MYH2: variants seen among roughly 807,000 people sequenced by gnomAD.
The protein encoded by MYH2 is myosin-2.
A neutral mutation model predicts 228.1 loss-of-function variants in MYH2; 139 were observed. The ratio of observed to expected loss-of-function variants is 0.61; its 90% confidence interval spans 0.53 to 0.70. The LOEUF (loss-of-function observed/expected upper bound fraction) is 0.70, where lower values mean the gene tolerates loss of function less well. MYH2 is among the 30% of genes least tolerant of loss of function. MYH2 has a pLI of 0.00. For missense variants in MYH2, 1,809 were observed against 2,357.5 expected, an observed-to-expected ratio of 0.77 and a Z score of 4.82; for synonymous variants, 796 against 871.1, an observed-to-expected ratio of 0.91 and a Z score of 1.52.
At chr17:10,545,068 C>T (rs1253118474) in intron 5 of MYH2, among the ~76,000 whole-genome samples, 1 of 150,942 alleles carries the variant, frequency 6.6e-6, no homozygotes, top group Non-Finnish European at 1.5e-5. Context: ...TATTTTTGCT[C>T]ATATTTATTT....
rs1567734059 is a variant in MYH2 at position 10,537,960 on chromosome 17, T to C, written c.1417-125A>G. On this transcript the variant is annotated intron_variant, in intron 14 of 39. Transcript: ENST00000245503. The surrounding 1 kb of genome is among the most constrained non-coding windows in gnomAD (Gnocchi z 4.0). ...TATTACAGATATTAAAATCACTGGG[T>C]TAAAGAGACTTTGAAATAAAAGGTG... 2 of 1,503,758 alleles carry C rather than the reference T, an allele frequency of 1.3e-6. No homozygotes were observed. Among genetic ancestry groups the C allele is most frequent in the Non-Finnish European group, 1.8e-6 (2 of 1,111,072 alleles). The allele number at this position is 1,503,758 out of a possible 1,614,324, so 93.2% of individuals were successfully genotyped here.
In MYH2 at chr17:10,539,975, A is replaced by C; in HGVS notation, c.1100T>G (p.Phe367Cys). The change falls in exon 12 of 40, where the codon TTT (phenylalanine) becomes TGT (cysteine). Residue 367 changes from phenylalanine (F) to cysteine (C), a missense_variant. Coordinates refer to ENST00000245503, the MANE Select transcript of MYH2 (RefSeq NM_017534.6). ...TTGCTCCTCACGCTGCTTTTGCTTA[A>C]ATTTTAGGTTCCCATAATGCATCAC... ...GAVMHYGNLK[F>C]KQKQREEQAE... 6.2e-7 allele frequency: 1 copy of C among 1,614,064 alleles called. No homozygotes were observed. The highest frequency in any genetic ancestry group is 8.5e-7 in the Non-Finnish European group (1 of 1,179,984).
chr17:10,541,778 C>T (rs888173620), intron 10 of MYH2, among the ~76,000 whole-genome samples: 5 of 152,172 alleles, frequency 3.3e-5, no homozygotes, highest in Non-Finnish European at 7.3e-5. Context: ...TACTCTTTCC[C>T]TTTATTTCTC....
chr17:10,544,707 G>A (rs1025466858), intron 5 of MYH2, among the ~76,000 whole-genome samples: 1 of 152,182 alleles, frequency 6.6e-6, no homozygotes, highest in Non-Finnish European at 1.5e-5. Context: ...TGTCTCTGAA[G>A]AGGAATTCTC....
At position 10,526,751 on chromosome 17, in the gene MYH2, G is replaced by T; in HGVS notation, c.4035C>A (p.Asp1345Glu). 6.2e-7 allele frequency: 1 copy of T among 1,614,234 alleles called. No homozygotes were observed. The highest frequency in any genetic ancestry group is 2.2e-5 in the East Asian group (1 of 44,884). Residue 1345 changes from aspartate (D) to glutamate (E), a missense_variant, in exon 30 of 40, where the codon GAC becomes GAA. This residue lies in a region of MYH2 where 636 missense variants were observed against 729.9 expected (regional missense o/e 0.87). Transcript: ENST00000245503. ...CATACTGTTCCCGCAGCAGGTCACAGTCGTGGCGGGAAGACTGCAGGGCAT... is the reference window on the plus strand; with the variant it reads ...CATACTGTTCCCGCAGCAGGTCACATTCGTGGCGGGAAGACTGCAGGGCAT... Reference protein sequence around the residue: ...LAHALQSSRHDCDLLREQYEE... With the variant: ...LAHALQSSRHECDLLREQYEE...
Position 10,524,519 on chromosome 17 carries a change from C to A in MYH2, c.5122G>T (p.Ala1708Ser), listed in dbSNP as rs147813930. The A allele has an allele frequency of 1.9e-6, 3 of 1,614,086 alleles. No individual in the cohort carries two copies. Among genetic ancestry groups the A allele is most frequent in the African/African-American group, 1.3e-5 (1 of 74,916 alleles). ...CTGGCATCCAGGAGCTCCTGTTCTG[C>A]GATTTTTCTGCTCCTCTCTGTCTGT... is the stretch of plus-strand genomic sequence containing the variant. ...LEQTERSRKIAEQELLDASER... is the reference protein window; with the variant it reads ...LEQTERSRKISEQELLDASER... The change falls in exon 35 of 40, where the codon GCA becomes TCA. Residue 1708 changes from alanine to serine, a missense_variant. By Grantham distance (99) the Ala-to-Ser change is moderately conservative. Transcript: ENST00000245503. This position sits in a 1 kb window ranked among gnomAD's most constrained non-coding sequence, Gnocchi z 4.7.
In MYH2 at chr17:10,523,122, C is replaced by G. The variant is rs775106499; in HGVS notation, c.5641G>C (p.Val1881Leu). ...QDLVDKLQAK[V>L]KSYKRQAEEA... ...TCAGCTTGTCTCTTATAAGATTTCA[C>G]TTTTGCCTGAAGTTTATCTACCAAA... The change falls in exon 39 of 40, where the codon GTG becomes CTG. Residue 1881 changes from valine to leucine, a missense_variant. Physicochemically the swap from Val to Leu is conservative, Grantham distance 32. Transcript: ENST00000245503. 6.2e-7 allele frequency: 1 copy of G among 1,613,888 alleles called. No homozygotes were observed. The highest frequency in any genetic ancestry group is 1.1e-5 in the South Asian group (1 of 91,078).
rs773088207 is a variant in MYH2 at position 10,537,641 on chromosome 17, T to C, written c.1587+24A>G. On this transcript the variant is annotated intron_variant, in intron 15 of 39. Transcript: ENST00000245503. This position sits in a 1 kb window ranked among gnomAD's most constrained non-coding sequence, Gnocchi z 4.0. ...CGAATAATATAGTTGCCGCAAAATATGGTTTCAGAAATGCAAAACCAACCT... is the reference window on the plus strand; with the variant it reads ...CGAATAATATAGTTGCCGCAAAATACGGTTTCAGAAATGCAAAACCAACCT... 5.2e-5 allele frequency: 84 copies of C among 1,614,104 alleles called. No homozygotes were observed. The Admixed American group carries it at 1.2e-3, about 22-fold the overall frequency.
At position 10,537,343 on chromosome 17, in the gene MYH2, C is replaced by A; in HGVS notation, c.1787G>T (p.Trp596Leu). The A allele has an allele frequency of 6.2e-7, 1 of 1,614,202 alleles. No individual in the cohort carries two copies. The highest frequency in any genetic ancestry group is 8.5e-7 in the Non-Finnish European group (1 of 1,180,040). Residue 596 changes from tryptophan to leucine, a missense_variant, in exon 16 of 40, where the codon TGG becomes TTG. Around this residue, in one of 9 missense-constraint regions of MYH2, gnomAD observed 41 missense variants for 35.1 expected, o/e 1.17. Coordinates refer to ENST00000245503, the MANE Select transcript of MYH2 (RefSeq NM_017534.6). The surrounding 1 kb of genome is among the most constrained non-coding windows in gnomAD (Gnocchi z 4.0). ...CAGGGGGTCCTTGTTCTTCTCCAGC[C>A]AGCCAGTAATGTTGTAGTCCACAAC... is the stretch of plus-strand genomic sequence containing the variant. ...AGVVDYNITG[W>L]LEKNKDPLNE...
At position 10,528,950 on chromosome 17, in the gene MYH2, C is replaced by A; in HGVS notation, c.3484G>T (p.Ala1162Ser). ...ISERLEEAGG[A>S]TSAQIEMNKK... ...TTCATCTCAATCTGGGCTGAAGTGG[C>A]CCCACCGGCTTCTTCCAGCCTCTCG... The change falls in exon 27 of 40, where the codon GCC (alanine) becomes TCC (serine). Residue 1162 changes from alanine (A) to serine (S), a missense_variant. Ala to Ser is a moderately conservative substitution (Grantham distance 99). Around this residue, in one of 9 missense-constraint regions of MYH2, gnomAD observed 636 missense variants for 729.9 expected, o/e 0.87. Coordinates refer to ENST00000245503, the MANE Select transcript of MYH2 (RefSeq NM_017534.6). The A allele has an allele frequency of 6.2e-7, 1 of 1,614,150 alleles. No homozygotes were observed. The highest frequency in any genetic ancestry group is 8.5e-7 in the Non-Finnish European group (1 of 1,180,036).
At position 10,528,963 on chromosome 17, in the gene MYH2, T is replaced by C. The variant is rs749196519; in HGVS notation, c.3471A>G (p.Glu1157=). 4 of 1,614,158 alleles carry C rather than the reference T, an allele frequency of 2.5e-6. No individual in the cohort carries two copies. Among genetic ancestry groups the C allele is most frequent in the Middle Eastern group, 3.3e-4 (2 of 6,000 alleles). Reference sequence around the variant, plus strand: ...GGGCTGAAGTGGCCCCACCGGCTTCTTCCAGCCTCTCGCTGATCTCCTCCA... The same window carrying C: ...GGGCTGAAGTGGCCCCACCGGCTTCCTCCAGCCTCTCGCTGATCTCCTCCA... The part of the protein sequence containing the change: ...RELEEISERL[E]EAGGATSAQI... The change falls in exon 27 of 40, where the codon GAA becomes GAG. Residue 1157 remains glutamate (E), a synonymous_variant. Transcript: ENST00000245503.
chr17:10,534,955 T>G, intron 19 of MYH2, 118 bp downstream of exon 19: 3 of 1,261,036 alleles, frequency 2.4e-6, no homozygotes, highest in Non-Finnish European at 3.5e-6. Context: ...TGTAATTTTT[T>G]TACTTCTTTT....
rs781514305 is a variant in MYH2 at position 10,530,068 on chromosome 17, C to T, written c.2704G>A (p.Glu902Lys). ...CTTTCCTCTGCATCAGCCAAGCCTT[C>T]GGCTTCCTTAAGTTGGAAACAAGAT... is the stretch of plus-strand genomic sequence containing the variant. ...DLQLQVQAEA[E>K]GLADAEERCD... The change falls in exon 23 of 40, where the codon GAA becomes AAA. Residue 902 changes from glutamate (E) to lysine (K), a missense_variant. Physicochemically the swap from Glu to Lys is moderately conservative, Grantham distance 56. Coordinates refer to ENST00000245503, the MANE Select transcript of MYH2 (RefSeq NM_017534.6). The T allele has an allele frequency of 1.7e-5, 27 of 1,614,104 alleles. No homozygotes were observed. The highest frequency in any genetic ancestry group is 3.3e-5 in the South Asian group (3 of 91,084).
chr17:10,539,930 T>C lies in MYH2; in HGVS notation c.1145A>G (p.Glu382Gly). The change falls in exon 12 of 40, where the codon GAA (glutamate) becomes GGA (glycine). Residue 382 changes from glutamate (E) to glycine (G), a missense_variant and splice_region_variant. Coordinates refer to ENST00000245503, the MANE Select transcript of MYH2 (RefSeq NM_017534.6). ...REEQAEPDGT[E>G]VADKAAYLQS... ...CATGGGAGTGACTTAGTTGATACCT[T>C]CTGTGCCATCTGGCTCTGCTTGCTC... 6.2e-7 allele frequency: 1 copy of C among 1,614,070 alleles called. No individual in the cohort carries two copies. The highest frequency in any genetic ancestry group is 8.5e-7 in the Non-Finnish European group (1 of 1,179,958).
At position 10,526,750 on chromosome 17, in the gene MYH2, A is replaced by T. The variant is rs1416163148; in HGVS notation, c.4036T>A (p.Cys1346Ser). The change falls in exon 30 of 40, where the codon TGT becomes AGT. Residue 1346 changes from cysteine to serine, a missense_variant. Physicochemically the swap from Cys to Ser is moderately radical, Grantham distance 112. Transcript: ENST00000245503. ...TCATACTGTTCCCGCAGCAGGTCAC[A>T]GTCGTGGCGGGAAGACTGCAGGGCA... The part of the protein sequence containing the change: ...AHALQSSRHD[C>S]DLLREQYEEE... 1 of 1,614,234 alleles carries T rather than the reference A, an allele frequency of 6.2e-7. No homozygotes were observed. The highest frequency in any genetic ancestry group is 8.5e-7 in the Non-Finnish European group (1 of 1,180,038).
chr17:10,544,817 C>T (rs958670158), intron 5 of MYH2, among the ~76,000 whole-genome samples: 1 of 152,148 alleles, frequency 6.6e-6, no homozygotes, highest in Non-Finnish European at 1.5e-5. Flanking sequence ...ATACCAAATA[C>T]ACCTTAAATC....
chr17:10,526,652 C>T lies in MYH2; in HGVS notation c.4134G>A (p.Arg1378=). The T allele has an allele frequency of 6.2e-7, 1 of 1,614,024 alleles. No individual in the cohort carries two copies. Among genetic ancestry groups the T allele is most frequent in the South Asian group, 1.1e-5 (1 of 91,080 alleles). Residue 1378 remains arginine, a synonymous_variant, in exon 30 of 40, where the codon AGG becomes AGA. Transcript: ENST00000245503. ...SKANTEVAQW[R]TKYETDAIQR... The stretch of plus-strand genomic sequence containing the variant: ...GGATGGCGTCCGTCTCGTATTTGGT[C>T]CTCCATTGGGCAACCTCGGTGTTGG...
At chr17:10,541,919 T>C (rs574500483) in intron 10 of MYH2, among the ~76,000 whole-genome samples, 1 of 152,336 alleles carries the variant, frequency 6.6e-6, no homozygotes, top group Non-Finnish European at 1.5e-5. Flanking sequence ...GTTTAAAGGA[T>C]ATTAGGCACC....
At chr17:10,532,421 G>A (rs959539237) in intron 21 of MYH2, among the ~76,000 whole-genome samples, 1 of 151,944 alleles carries the variant, frequency 6.6e-6, no homozygotes, top group Non-Finnish European at 1.5e-5. Flanking sequence ...TGTGAATTTT[G>A]TATTCTATTC....
Sources: gnomAD v4.1 joint callset for allele counts (sites outside exome capture counted in the v4.1 genomes callset) on GRCh38, gnomAD v4.1.1 for gene constraint, gnomAD v4.1.1 regional missense constraint, Gnocchi (gnomAD v3.1) non-coding constraint, MANE v1.5 for transcripts, NCBI Gene and HGNC (gene_info 2026-07-23, HGNC 2026-07-21) for gene names.